The following KHDC1 variants were observed in gnomAD, a reference collection of about 807,000 sequenced individuals.
The protein encoded by KHDC1 is KH homology domain-containing protein 1.
Under a neutral mutation model 24.7 loss-of-function variants are expected in KHDC1, and 21 were observed. The ratio of observed to expected loss-of-function variants is 0.85; its 90% CI spans 0.60 to 1.23. KHDC1 has a LOEUF of 1.23. Among genes scored for constraint, KHDC1 ranks in the 50% most tolerant of loss-of-function variants. The pLI, the probability that KHDC1 is intolerant of heterozygous loss-of-function variation, is 0.00. For missense variants in KHDC1, 274 were observed against 298.5 expected (o/e 0.92, Z 0.61); for synonymous variants, 98 against 111.7 (o/e 0.88, Z 0.77).
At position 73,306,648 on chromosome 6, in the gene KHDC1, T is replaced by TC. The variant is rs200104975; in HGVS notation, c.163+2903dup. 4.4e-3 allele frequency among the ~76,000 whole-genome samples: 651 copies of TC among 148,582 alleles called. 7 individuals carry two copies. Among genetic ancestry groups the TC allele is most frequent in the African/African-American group, 0.016 (637 of 40,618 alleles). ...GAATTCCCCAGAATAGATAATACCC[T>TC]CCTTCTAGCTTGGGGTGGGGGTTGG... On this transcript the variant is annotated intron_variant, in intron 1 of 4. Coordinates refer to ENST00000370384, the Ensembl canonical transcript of KHDC1.
intron 2 of KHDC1, among the ~76,000 whole-genome samples, chr6:73,273,160 T>TTTTGTTTG (rs541599284): frequency 2.4e-5 from 3 of 126,452 alleles, no homozygotes; most frequent in African/African-American, 6.0e-5. Context: ...CGCCCAGCTT[T>TTTTGTTTG]TTTGTTTGTT....
chr6:73,290,428 G>A, intron 2 of KHDC1: 3 of 338,476 alleles, frequency 8.9e-6, no homozygotes, highest in South Asian at 7.8e-5. Flanking sequence ...CTTGCAGCAG[G>A]AAGTCACTTA....
chr6:73,309,880 G>T, exon 1 of KHDC1: 1 of 721,076 alleles, frequency 1.4e-6, no homozygotes, highest in Non-Finnish European at 2.3e-6. Context: ...ACCCAGACTG[G>T]ACCAATGCAC....
rs202148076 is a variant in KHDC1 at position 73,257,924 on chromosome 6, A to G, written c.207-15394T>C. 3.5e-4 allele frequency among the ~76,000 whole-genome samples: 54 copies of G among 152,212 alleles called. No homozygotes were observed. In the East Asian group the frequency reaches 5.1e-3, roughly 14 times the overall value. ...GGAGTTCAAGATCAGGCTGGGCAAC[A>G]TAGTGATACTTCATCTCTACTAAAA... On this transcript the variant is annotated intron_variant, in intron 2 of 4. Coordinates refer to ENST00000370384, the Ensembl canonical transcript of KHDC1.
intron 1 of KHDC1, among the ~76,000 whole-genome samples, chr6:73,305,223 C>G (rs1767941150): frequency 6.6e-6 from 1 of 151,608 alleles, no homozygotes; most frequent in Non-Finnish European, 1.5e-5. Context: ...GCCTAAGTGA[C>G]AGAGCAAGAC....
intron 1 of KHDC1, among the ~76,000 whole-genome samples, chr6:73,309,064 A>G (rs1289554105): frequency 6.6e-6 from 1 of 152,104 alleles, no homozygotes; most frequent in Non-Finnish European, 1.5e-5. Context: ...ACCTCAAGTG[A>G]TGGGCCTTGG....
intron 2 of KHDC1, among the ~76,000 whole-genome samples, chr6:73,270,891 C>T (rs1025414432): frequency 2.0e-5 from 3 of 151,900 alleles, no homozygotes; most frequent in African/African-American, 7.3e-5. Flanking sequence ...GGGGTTTTAC[C>T]ATCTTGGCCA....
intron 2 of KHDC1, among the ~76,000 whole-genome samples, chr6:73,280,120 C>T (rs1767376607): frequency 6.6e-6 from 1 of 152,260 alleles, no homozygotes; most frequent in South Asian, 2.1e-4. Flanking sequence ...ATTTACCCTC[C>T]TTCAAATTAA....
At chr6:73,253,017 A>G (rs964357337) in intron 2 of KHDC1, among the ~76,000 whole-genome samples, 3 of 152,170 alleles carry the variant, frequency 2.0e-5, no homozygotes, top group Non-Finnish European at 4.4e-5. Flanking sequence ...CTAAACTACA[A>G]GCTCTACAAA....
At chr6:73,278,796 A>G (rs888697646) in intron 2 of KHDC1, among the ~76,000 whole-genome samples, 16 of 152,194 alleles carry the variant, frequency 1.1e-4, no homozygotes, top group African/African-American at 3.4e-4. Context: ...GTTCAGTTAT[A>G]TTCATGGTTT....
intron 2 of KHDC1, among the ~76,000 whole-genome samples, chr6:73,266,799 TGAA>T (rs1187285781): frequency 1.3e-5 from 2 of 152,142 alleles, no homozygotes; most frequent in African/African-American, 2.4e-5. Context: ...TCAAGGAACA[TGAA>T]GAAGAATGAA....
intron 2 of KHDC1, among the ~76,000 whole-genome samples, chr6:73,257,248 A>G (rs937948137): frequency 1.3e-5 from 2 of 152,158 alleles, no homozygotes; most frequent in African/African-American, 4.8e-5. Flanking sequence ...AGCTTTCATC[A>G]TACCACTGCA....
At chr6:73,287,411 T>C (rs1767543422) in intron 2 of KHDC1, among the ~76,000 whole-genome samples, 1 of 152,076 alleles carries the variant, frequency 6.6e-6, no homozygotes, top group Admixed American at 6.6e-5. Context: ...TAAGGAAAAA[T>C]ACCTGGGCAG....
intron 2 of KHDC1, among the ~76,000 whole-genome samples, chr6:73,245,234 C>G (rs1389550376): frequency 2.0e-5 from 3 of 152,128 alleles, no homozygotes; most frequent in Non-Finnish European, 4.4e-5. Context: ...TCGTCTTCTT[C>G]TAAAGATCAT....
At chr6:73,300,103 T>A (rs1012483409) in intron 1 of KHDC1, 1 of 152,458 alleles carries the variant, frequency 6.6e-6, no homozygotes, top group African/African-American at 2.4e-5. Context: ...ACGCTTCCCA[T>A]GAACTAACCT....
chr6:73,254,166 T>C (rs539288565), intron 2 of KHDC1, among the ~76,000 whole-genome samples: 2 of 151,690 alleles, frequency 1.3e-5, no homozygotes, highest in African/African-American at 4.8e-5. Context: ...ATAATAAATA[T>C]AAAAAGATTC....
At chr6:73,288,301 TCCATC>T (rs1198650000) in intron 2 of KHDC1, among the ~76,000 whole-genome samples, 1 of 152,202 alleles carries the variant, frequency 6.6e-6, no homozygotes, top group African/African-American at 2.4e-5. Context: ...AGTATTCTCT[TCCATC>T]CCTATCAGAA....
intron 1 of KHDC1, among the ~76,000 whole-genome samples, chr6:73,301,811 A>G (rs1357591941): frequency 2.0e-5 from 3 of 151,438 alleles, no homozygotes; most frequent in African/African-American, 4.9e-5. Flanking sequence ...TTTTTTTTAT[A>G]TAAGAGAGAG....
At chr6:73,308,678 T>C (rs1414776399) in intron 1 of KHDC1, among the ~76,000 whole-genome samples, 1 of 151,980 alleles carries the variant, frequency 6.6e-6, no homozygotes, top group African/African-American at 2.4e-5. Context: ...TTCATATTTT[T>C]TTGTAGAGAC....
Sources: allele counts gnomAD v4.1 joint callset (sites outside exome capture counted in the v4.1 genomes callset), GRCh38; gene constraint gnomAD v4.1.1; transcripts MANE v1.5; gene names NCBI Gene and HGNC (gene_info 2026-07-23, HGNC 2026-07-21).